The following PDE7A variants were observed in gnomAD, a reference collection of about 807,000 sequenced individuals.
PDE7A encodes the protein phosphodiesterase 7A.
PDE7A carries 39 observed loss-of-function variants against 64.3 expected under a neutral mutation model. That is an observed-to-expected ratio of 0.61 (90% CI 0.47 to 0.79). The LOEUF is 0.79. PDE7A is among the 30% of genes least tolerant of loss of function. PDE7A has a pLI of 0.00. For synonymous variants in PDE7A, 203 were observed against 206.8 expected (o/e 0.98, Z 0.16); for missense variants, 470 against 582.8 (o/e 0.81, Z 1.99).
chr8:65,840,907 G>A (rs1811065226), intron 1 of PDE7A, among the ~76,000 whole-genome samples: 1 of 152,276 alleles, frequency 6.6e-6, no homozygotes. Context: ...GGGAACCGCA[G>A]GACCAGGCGA....
intron 12 of PDE7A, chr8:65,723,109 G>GT (rs1421443614): frequency 2.0e-5 from 3 of 153,766 alleles, no homozygotes; most frequent in African/African-American, 7.2e-5. Context: ...ACAGGCAGTG[G>GT]TAAGAGTCTG....
intron 1 of PDE7A, among the ~76,000 whole-genome samples, chr8:65,799,599 G>A (rs1258247274): frequency 6.6e-6 from 1 of 152,170 alleles, no homozygotes; most frequent in African/African-American, 2.4e-5. Context: ...AGAGAAATGT[G>A]ACGGGATTTA....
chr8:65,814,731 TG>T (rs1360168466), intron 1 of PDE7A, among the ~76,000 whole-genome samples: 1 of 151,838 alleles, frequency 6.6e-6, no homozygotes, highest in Non-Finnish European at 1.5e-5. Flanking sequence ...TGGCCAGGTG[TG>T]GTGGCTCATG....
At chr8:65,841,127 C>A (rs1419252676) in intron 1 of PDE7A, among the ~76,000 whole-genome samples, 3 of 152,126 alleles carry the variant, frequency 2.0e-5, no homozygotes, top group African/African-American at 7.2e-5. Context: ...GGGTGACGAG[C>A]CTGGGGAGGG....
chr8:65,780,808 T>G (rs778754075), intron 2 of PDE7A: 3 of 152,294 alleles, frequency 2.0e-5, no homozygotes, highest in Non-Finnish European at 4.4e-5. Flanking sequence ...CCTTTGCTCT[T>G]GCAATTTGGC....
At chr8:65,744,208 T>TACAAAACAAA (rs140231902) in intron 5 of PDE7A, among the ~76,000 whole-genome samples, 1 of 151,484 alleles carries the variant, frequency 6.6e-6, no homozygotes, top group African/African-American at 2.4e-5. Context: ...TTAGTTGTGT[T>TACAAAACAAA]ACAAAACAAA....
chr8:65,743,218 G>A (rs966624810), intron 5 of PDE7A, among the ~76,000 whole-genome samples: 4 of 152,170 alleles, frequency 2.6e-5, no homozygotes, highest in African/African-American at 9.7e-5. Context: ...AATAATATTT[G>A]TGTTAAGTTA....
chr8:65,813,155 G>C (rs991521229), intron 1 of PDE7A, among the ~76,000 whole-genome samples: 2 of 152,292 alleles, frequency 1.3e-5, no homozygotes, highest in Middle Eastern at 3.4e-3. Flanking sequence ...TAGTGAGAAT[G>C]TAAGTTAGCA....
intron 1 of PDE7A, among the ~76,000 whole-genome samples, chr8:65,787,387 A>T (rs551897168): frequency 1.4e-3 from 216 of 152,316 alleles, no homozygotes; most frequent in African/African-American, 4.6e-3. Flanking sequence ...TACCGAAAAA[A>T]TAATAATATA....
chr8:65,841,474 A>AGG lies in PDE7A; in HGVS notation c.33_34dup (p.Leu12ProfsTer56). The AGG allele has an allele frequency of 6.4e-7, 1 of 1,555,470 alleles. No individual in the cohort carries two copies. Among genetic ancestry groups the AGG allele is most frequent in the Non-Finnish European group, 8.6e-7 (1 of 1,156,742 alleles). On this transcript the variant is annotated frameshift_variant, in exon 1 of 13. Transcript: ENST00000401827. LOFTEE classifies it high-confidence loss of function. Reference sequence around the variant, plus strand: ...GACGTGCTGGGGGACCGGCCTGTCCAGGGGCAGTACCGGCAGCTGGTAACA... The same window carrying AGG: ...GACGTGCTGGGGGACCGGCCTGTCCAGGGGGGCAGTACCGGCAGCTGGTAACA...
At chr8:65,825,320 T>C (rs1035488073) in intron 1 of PDE7A, among the ~76,000 whole-genome samples, 1 of 152,200 alleles carries the variant, frequency 6.6e-6, no homozygotes, top group Non-Finnish European at 1.5e-5. Flanking sequence ...GTTCTTCTTA[T>C]AGAAACAAAC....
intron 3 of PDE7A, among the ~76,000 whole-genome samples, chr8:65,767,001 AAAC>A (rs149118435): frequency 0.04 from 5,990 of 150,894 alleles, 355 homozygotes; most frequent in African/African-American, 0.13. Flanking sequence ...TGCTCATTCA[AAAC>A]AACAACAACA....
chr8:65,780,687 A>ATT (rs1809389660), intron 2 of PDE7A, among the ~76,000 whole-genome samples: 1 of 152,352 alleles, frequency 6.6e-6, no homozygotes, highest in Non-Finnish European at 1.5e-5. Context: ...AAGCTAGTAC[A>ATT]AAGGGTAAGT....
At chr8:65,733,423 G>A (rs1806987466) in intron 7 of PDE7A, among the ~76,000 whole-genome samples, 1 of 152,174 alleles carries the variant, frequency 6.6e-6, no homozygotes, top group African/African-American at 2.4e-5. Context: ...TTCTCAAACA[G>A]AGGATGCAGT....
At chr8:65,816,311 G>A (rs1481730504) in intron 1 of PDE7A, among the ~76,000 whole-genome samples, 2 of 152,146 alleles carry the variant, frequency 1.3e-5, no homozygotes, top group Non-Finnish European at 2.9e-5. Context: ...CTTACAACTA[G>A]GACGAATGTG....
intron 1 of PDE7A, among the ~76,000 whole-genome samples, chr8:65,814,692 A>T (rs903150643): frequency 3.3e-5 from 5 of 152,038 alleles, no homozygotes; most frequent in Non-Finnish European, 5.9e-5. Flanking sequence ...CTTTAAGTGT[A>T]TTTTATATCC....
intron 1 of PDE7A, among the ~76,000 whole-genome samples, chr8:65,790,564 A>C (rs2128925889): frequency 6.6e-6 from 1 of 152,352 alleles, no homozygotes; most frequent in Middle Eastern, 3.4e-3. Context: ...TCTAATCCTC[A>C]GTACAAAGAG....
intron 1 of PDE7A, among the ~76,000 whole-genome samples, chr8:65,810,051 T>A (rs963721558): frequency 6.6e-6 from 1 of 152,204 alleles, no homozygotes; most frequent in Non-Finnish European, 1.5e-5. Context: ...TGCACACATA[T>A]GTTTACTGCA....
At chr8:65,770,730 A>G (rs1374577246) in intron 3 of PDE7A, among the ~76,000 whole-genome samples, 2 of 152,238 alleles carry the variant, frequency 1.3e-5, no homozygotes, top group East Asian at 1.9e-4. Flanking sequence ...TGGTGAAATC[A>G]AAGAGAAAAA....
Sources: gnomAD v4.1 joint callset for allele counts (sites outside exome capture counted in the v4.1 genomes callset) on GRCh38, gnomAD v4.1.1 for gene constraint, MANE v1.5 for transcripts, NCBI Gene and HGNC (gene_info 2026-07-23, HGNC 2026-07-21) for gene names.